Variants in SPATS2L observed in about 807,000 individuals in gnomAD.
SPATS2L encodes the protein spermatogenesis associated serine rich 2 like.
A neutral mutation model predicts 59.6 loss-of-function variants in SPATS2L; 30 were observed. The observed-to-expected ratio is 0.50, with a 90% CI of 0.38 to 0.68. The LOEUF (loss-of-function observed/expected upper bound fraction) is 0.68. SPATS2L is among the 30% of genes least tolerant of loss of function. The pLI is 0.00. For synonymous variants in SPATS2L, 252 were observed against 263.5 expected, an observed-to-expected ratio of 0.96 and a Z score of 0.42; for missense variants, 615 against 700.0, an observed-to-expected ratio of 0.88 and a Z score of 1.37.
intron 3 of SPATS2L, among the ~76,000 whole-genome samples, chr2:200,410,362 T>G (rs1242220225): frequency 6.6e-6 from 1 of 151,710 alleles, no homozygotes; most frequent in Admixed American, 6.6e-5. Context: ...TTTTGTGTTT[T>G]TCTTCCTCCC....
At chr2:200,408,681 T>C (rs2082771592) in intron 3 of SPATS2L, among the ~76,000 whole-genome samples, 1 of 152,206 alleles carries the variant, frequency 6.6e-6, no homozygotes, top group African/African-American at 2.4e-5. Context: ...AGAAGGCAAG[T>C]TAGTTTGGGA....
chr2:200,375,711 C>A (rs1269832254), intron 2 of SPATS2L, among the ~76,000 whole-genome samples: 1 of 152,194 alleles, frequency 6.6e-6, no homozygotes, highest in Non-Finnish European at 1.5e-5. Flanking sequence ...ACTGCAGCCT[C>A]CACCTCCCGG....
chr2:200,348,824 G>A (rs1248110260), intron 2 of SPATS2L, among the ~76,000 whole-genome samples: 2 of 151,742 alleles, frequency 1.3e-5, no homozygotes, highest in Non-Finnish European at 2.9e-5. Flanking sequence ...TTCAGAGCTG[G>A]CCCTTGAAAG....
intron 2 of SPATS2L, among the ~76,000 whole-genome samples, chr2:200,346,975 A>G (rs1249759033): frequency 1.3e-5 from 2 of 152,216 alleles, no homozygotes; most frequent in Non-Finnish European, 2.9e-5. Context: ...TTATTTTTCA[A>G]TTGAGTAATA....
chr2:200,341,570 A>C (rs909627663), intron 2 of SPATS2L, among the ~76,000 whole-genome samples: 1 of 119,426 alleles, frequency 8.4e-6, no homozygotes, highest in Non-Finnish European at 1.9e-5. Flanking sequence ...TCAGATGAAA[A>C]ACTGTGTTTT....
In SPATS2L at chr2:200,472,904, C is replaced by A; in HGVS notation, c.1133C>A (p.Ala378Glu). The change falls in exon 12 of 13, where the codon GCA becomes GAA. Residue 378 changes from alanine to glutamate, a missense_variant. This residue lies in a region of SPATS2L where 284 missense variants were observed against 280.1 expected (regional missense o/e 1.01). Transcript: ENST00000409140. ...SSLLPLLNAH[A>E]ATSGKQSNFS... ...CTGCTGCCTCTGCTGAATGCGCACGCAGCAACCTCTGGGAAACAGAGTAAC... is the reference window on the plus strand; with the variant it reads ...CTGCTGCCTCTGCTGAATGCGCACGAAGCAACCTCTGGGAAACAGAGTAAC... The A allele has an allele frequency of 1.9e-6, 3 of 1,613,920 alleles. No individual in the cohort carries two copies. The highest frequency in any genetic ancestry group is 2.5e-6 in the Non-Finnish European group (3 of 1,179,890).
At chr2:200,417,948 A>G (rs2083134147) in intron 5 of SPATS2L, among the ~76,000 whole-genome samples, 1 of 152,132 alleles carries the variant, frequency 6.6e-6, no homozygotes, top group South Asian at 2.1e-4. Context: ...TACACTGAGT[A>G]TCAACTGGGT....
chr2:200,478,059 TCA>T lies in SPATS2L; in HGVS notation c.*29_*30del. On this transcript the variant is annotated 3_prime_UTR_variant, in exon 13 of 13. Transcript: ENST00000409140. Reference sequence around the variant, plus strand: ...TAGGAGGAAAAAGAGCAGTTTTCACTCAGTTTTGGTTCCCTGCCCGAGGTGCT... The same window carrying T: ...TAGGAGGAAAAAGAGCAGTTTTCACTGTTTTGGTTCCCTGCCCGAGGTGCT... 2.0e-6 allele frequency: 3 copies of T among 1,517,886 alleles called. No individual in the cohort carries two copies. Among genetic ancestry groups the T allele is most frequent in the Non-Finnish European group, 1.8e-6 (2 of 1,134,790 alleles). The allele number at this position is 1,517,886 out of a possible 1,614,324, so 94.0% of individuals were successfully genotyped here.
At position 200,358,069 on chromosome 2, in the gene SPATS2L, G is replaced by A. The variant is rs371720820; in HGVS notation, c.-23+28589G>A. On this transcript the variant is annotated intron_variant, in intron 2 of 12. Transcript: ENST00000409140. Reference sequence around the variant, plus strand: ...TGAAATTTTCGTGAACCAACTAGACGAACAAACTGTGTGGTCTGGATAAAA... The same window carrying A: ...TGAAATTTTCGTGAACCAACTAGACAAACAAACTGTGTGGTCTGGATAAAA... Among the ~76,000 whole-genome samples, 4 of 152,134 alleles carry A rather than the reference G, an allele frequency of 2.6e-5. No individual in the cohort carries two copies. In the East Asian group the frequency reaches 7.7e-4, roughly 29 times the overall value.
At chr2:200,328,934 G>T (rs1434738064) in intron 1 of SPATS2L, among the ~76,000 whole-genome samples, 1 of 152,172 alleles carries the variant, frequency 6.6e-6, no homozygotes. Flanking sequence ...GAATAGTCCA[G>T]GCTCTGGAAC....
intron 2 of SPATS2L, among the ~76,000 whole-genome samples, chr2:200,329,683 A>G (rs1281947569): frequency 6.6e-6 from 1 of 151,942 alleles, no homozygotes; most frequent in Non-Finnish European, 1.5e-5. Context: ...GGTGGATGTA[A>G]GTCAGTGCCA....
At chr2:200,321,414 G>A (rs2105772871) in intron 1 of SPATS2L, among the ~76,000 whole-genome samples, 1 of 152,250 alleles carries the variant, frequency 6.6e-6, no homozygotes, top group Non-Finnish European at 1.5e-5. Flanking sequence ...ATAAGATAAT[G>A]CAGATAAAGT....
chr2:200,373,840 G>C (rs2081511513), intron 2 of SPATS2L, among the ~76,000 whole-genome samples: 1 of 152,100 alleles, frequency 6.6e-6, no homozygotes, highest in Non-Finnish European at 1.5e-5. Context: ...AAAAGATCCT[G>C]TTTTCAATTC....
rs987407785 is a variant in SPATS2L, at chr2:200,372,290, C to T, written c.-22-16933C>T. On this transcript the variant is annotated intron_variant, in intron 2 of 12. Coordinates refer to ENST00000409140, the MANE Select transcript of SPATS2L (RefSeq NM_001100423.2). ...CTCTCCATTATCCTCATTCAATGGCCAGCCAGCTTCTGCTTGAACAGATTC... is the reference window on the plus strand; with the variant it reads ...CTCTCCATTATCCTCATTCAATGGCTAGCCAGCTTCTGCTTGAACAGATTC... 7.0e-6 allele frequency: 5 copies of T among 712,246 alleles called. No individual in the cohort carries two copies. The African/African-American group carries it at 9.6e-5, about 14-fold the overall frequency. The allele number at this position is 712,246 out of a possible 1,614,324, so 44.1% of individuals were successfully genotyped here. A position where few individuals can be genotyped will look rare whatever the true frequency, so the allele number is the denominator to read the frequency against.
intron 1 of SPATS2L, among the ~76,000 whole-genome samples, chr2:200,308,189 T>A (rs1013226672): frequency 6.6e-6 from 1 of 151,202 alleles, no homozygotes; most frequent in African/African-American, 2.4e-5. Context: ...TAAGCAGATG[T>A]ATGTAATATA....
At chr2:200,399,380 T>C (rs574310404) in intron 3 of SPATS2L, among the ~76,000 whole-genome samples, 1 of 152,212 alleles carries the variant, frequency 6.6e-6, no homozygotes, top group Non-Finnish European at 1.5e-5. Context: ...ATCAGTGTTG[T>C]CATGTTGTTG....
intron 2 of SPATS2L, among the ~76,000 whole-genome samples, chr2:200,359,128 G>A (rs774506433): frequency 5.3e-5 from 8 of 152,144 alleles, no homozygotes; most frequent in Non-Finnish European, 1.2e-4. Flanking sequence ...AAAACTTCAA[G>A]AAATCAATTA....
intron 3 of SPATS2L, among the ~76,000 whole-genome samples, chr2:200,392,052 A>C (rs2082188249): frequency 6.6e-6 from 1 of 152,230 alleles, no homozygotes. Flanking sequence ...ACTTTGTGAT[A>C]CTTATTATGA....
At chr2:200,413,010 C>A (rs565777202) in intron 4 of SPATS2L, among the ~76,000 whole-genome samples, 1 of 152,166 alleles carries the variant, frequency 6.6e-6, no homozygotes, top group African/African-American at 2.4e-5. Flanking sequence ...GAGCTGAGAT[C>A]GCACCATTGC....
Sources: allele counts gnomAD v4.1 joint callset (sites outside exome capture counted in the v4.1 genomes callset), GRCh38; gene constraint gnomAD v4.1.1; regional missense constraint gnomAD v4.1.1; transcripts MANE v1.5; gene names NCBI Gene and HGNC (gene_info 2026-07-23, HGNC 2026-07-21).